The following ZEB1 variants were observed in gnomAD, a reference collection of about 807,000 sequenced individuals.
ZEB1 encodes the protein zinc finger E-box binding homeobox 1, also known as zinc finger E-box-binding homeobox 1.
A neutral mutation model predicts 84.9 loss-of-function variants in ZEB1; 21 were observed. The ratio of observed to expected loss-of-function variants is 0.25; its 90% CI spans 0.18 to 0.36. ZEB1 has a LOEUF of 0.36. ZEB1 is among the 10% of genes least tolerant of loss of function. ZEB1 has a pLI of 1.00. For missense variants in ZEB1, 1,104 were observed against 1,330.2 expected (o/e 0.83, Z 2.65); for synonymous variants, 420 against 471.1 (o/e 0.89, Z 1.41).
intron 2 of ZEB1, among the ~76,000 whole-genome samples, chr10:31,462,994 A>G (rs2061985012): frequency 6.6e-6 from 1 of 152,052 alleles, no homozygotes; most frequent in Admixed American, 6.5e-5. Context: ...AGAAAGTGAG[A>G]CTCAGAGAAG....
chr10:31,485,487 A>G lies in ZEB1; in HGVS notation c.260-10289A>G, dbSNP rs544429640. Among the ~76,000 whole-genome samples the G allele has an allele frequency of 2.0e-5, 3 of 152,032 alleles. No homozygotes were observed. The South Asian group carries it at 6.2e-4, about 31-fold the overall frequency. ...TTTTATTCCTAAAGTAAAACTACTCATAAGATTTCTGGATCTGATTTCTGT... is the reference window on the plus strand; with the variant it reads ...TTTTATTCCTAAAGTAAAACTACTCGTAAGATTTCTGGATCTGATTTCTGT... On this transcript the variant is annotated intron_variant, in intron 2 of 8. Transcript: ENST00000424869.
chr10:31,350,389 C>T (rs2041113671), intron 1 of ZEB1, among the ~76,000 whole-genome samples: 1 of 152,106 alleles, frequency 6.6e-6, no homozygotes. Flanking sequence ...TACCTTATCT[C>T]TATTCTTATT....
At chr10:31,441,414 G>A (rs1011228999) in intron 1 of ZEB1, among the ~76,000 whole-genome samples, 7 of 152,174 alleles carry the variant, frequency 4.6e-5, no homozygotes, top group Non-Finnish European at 8.8e-5. Context: ...ATTCAAGATG[G>A]ATTAAAGATT....
chr10:31,467,483 G>A (rs921284056), intron 2 of ZEB1, among the ~76,000 whole-genome samples: 1 of 152,138 alleles, frequency 6.6e-6, no homozygotes, highest in Non-Finnish European at 1.5e-5. Flanking sequence ...GACCATGCCT[G>A]CCAGTCCCTC....
intron 1 of ZEB1, among the ~76,000 whole-genome samples, chr10:31,443,585 C>G (rs1201716152): frequency 7.5e-6 from 1 of 133,852 alleles, no homozygotes; most frequent in African/African-American, 2.8e-5. Flanking sequence ...ACAACAGTCC[C>G]CAGAGTGTGA....
intron 1 of ZEB1, among the ~76,000 whole-genome samples, chr10:31,399,842 C>G (rs991612803): frequency 1.3e-5 from 2 of 152,214 alleles, no homozygotes; most frequent in African/African-American, 4.8e-5. Context: ...TGCCTGCTCA[C>G]ACCCACTTTG....
chr10:31,519,742 A>T (rs933830499), intron 6 of ZEB1, among the ~76,000 whole-genome samples: 9 of 152,172 alleles, frequency 5.9e-5, no homozygotes, highest in Non-Finnish European at 1.0e-4. Context: ...TCTCCTACAG[A>T]TGGTTGAGTA....
chr10:31,475,442 G>C (rs951053273), intron 2 of ZEB1, among the ~76,000 whole-genome samples: 4 of 152,102 alleles, frequency 2.6e-5, no homozygotes, highest in Non-Finnish European at 4.4e-5. Context: ...AAGAAATTCA[G>C]AGAGCACCTG....
chr10:31,461,297 T>G, intron 2 of ZEB1, 60 bp downstream of exon 2: 3 of 1,482,696 alleles, frequency 2.0e-6, no homozygotes, highest in Non-Finnish European at 2.8e-6. Flanking sequence ...AAAATATATA[T>G]TAACTGAAAA....
At chr10:31,473,632 G>T (rs1262461731) in intron 2 of ZEB1, among the ~76,000 whole-genome samples, 3 of 149,046 alleles carry the variant, frequency 2.0e-5, no homozygotes, top group Non-Finnish European at 4.5e-5. Flanking sequence ...TGGCCATACT[G>T]CCCAAGGTAA....
rs1219890637 is a variant in ZEB1 at position 31,444,305 on chromosome 10, G to A, written c.59-16732G>A. On this transcript the variant is annotated intron_variant, in intron 1 of 8. Coordinates refer to ENST00000424869, the MANE Select transcript of ZEB1 (RefSeq NM_001174096.2). ...TTTGTTTGAGTTCATTGTAGATTCT[G>A]GATATTAGCCCTTTGTCAGATGAGT... Among the ~76,000 whole-genome samples, 922 of 136,506 alleles carry A rather than the reference G, an allele frequency of 6.8e-3. 10 individuals carry two copies. Among genetic ancestry groups the A allele is most frequent in the African/African-American group, 0.023 (842 of 36,034 alleles). 89.6% of individuals were successfully genotyped at this position (136,506 alleles called of 152,430 possible).
Position 31,521,260 on chromosome 10 carries a change from C to G in ZEB1, c.1928C>G (p.Ser643Cys), listed in dbSNP as rs1482211759. The change falls in exon 7 of 9, where the codon TCT becomes TGT. Residue 643 changes from serine (S) to cysteine (C), a missense_variant. By Grantham distance (112) the Ser-to-Cys change is moderately radical (BLOSUM62 -1). Transcript: ENST00000424869. Reference protein sequence around the residue: ...MQAGQISVQSSEPSSPEPGKV... With the variant: ...MQAGQISVQSCEPSSPEPGKV... Reference sequence around the variant, plus strand: ...GCTGGACAGATTTCAGTGCAGTCTTCTGAACCATCTTCTCCTGAACCAGGC... The same window carrying G: ...GCTGGACAGATTTCAGTGCAGTCTTGTGAACCATCTTCTCCTGAACCAGGC... The G allele has an allele frequency of 6.2e-7, 1 of 1,614,078 alleles. No individual in the cohort carries two copies. Among genetic ancestry groups the G allele is most frequent in the South Asian group, 1.1e-5 (1 of 91,088 alleles).
At chr10:31,522,338 G>A (rs781209900) in intron 7 of ZEB1, among the ~76,000 whole-genome samples, 5 of 152,240 alleles carry the variant, frequency 3.3e-5, no homozygotes, top group Non-Finnish European at 5.9e-5. Flanking sequence ...CCATTCACAG[G>A]TTCATACCAG....
intron 1 of ZEB1, among the ~76,000 whole-genome samples, chr10:31,446,123 C>A (rs1334912647): frequency 6.6e-6 from 1 of 151,536 alleles, no homozygotes; most frequent in Admixed American, 6.6e-5. Context: ...AGAGATTCAA[C>A]TTCTTCCTGG....
chr10:31,324,256 C>G (rs2034935560), intron 1 of ZEB1, among the ~76,000 whole-genome samples: 1 of 151,954 alleles, frequency 6.6e-6, no homozygotes, highest in Non-Finnish European at 1.5e-5. Context: ...TCTCTAGTCT[C>G]TAGTATGTTT....
At chr10:31,495,509 A>C (rs914560082) in intron 2 of ZEB1, among the ~76,000 whole-genome samples, 5 of 152,110 alleles carry the variant, frequency 3.3e-5, no homozygotes, top group Admixed American at 3.3e-4. Flanking sequence ...AAAGGAAAAA[A>C]TCCAAATTAA....
At chr10:31,362,965 G>A (rs767046013) in intron 1 of ZEB1, 28 of 1,533,890 alleles carry the variant, frequency 1.8e-5, no homozygotes, top group South Asian at 1.2e-4. Context: ...CACCAACAGT[G>A]CCTCAGGAGA....
chr10:31,408,318 C>T (rs980113476), intron 1 of ZEB1, among the ~76,000 whole-genome samples: 109 of 150,964 alleles, frequency 7.2e-4, no homozygotes, highest in African/African-American at 2.4e-3. Flanking sequence ...GGCCATACTG[C>T]CCAAGGTAAT....
At chr10:31,524,288 G>T (rs545289892) in intron 8 of ZEB1, among the ~76,000 whole-genome samples, 175 bp downstream of exon 8, 1 of 151,196 alleles carries the variant, frequency 6.6e-6, no homozygotes, top group African/African-American at 2.4e-5. Context: ...TCTCAATCTC[G>T]GCTCACTGCA....
Sources: allele counts gnomAD v4.1 joint callset (sites outside exome capture counted in the v4.1 genomes callset), GRCh38; gene constraint gnomAD v4.1.1; transcripts MANE v1.5; gene names NCBI Gene and HGNC (gene_info 2026-07-23, HGNC 2026-07-21).